Variants in CCDC149 observed in about 807,000 individuals in gnomAD.
CCDC149 encodes coiled-coil domain containing 149.
In CCDC149, 45 loss-of-function variants were observed where a neutral mutation model predicts 59.9. That is an observed-to-expected ratio of 0.75 (90% CI 0.59 to 0.96). CCDC149 has a LOEUF of 0.96. Ranked by LOEUF, CCDC149 falls within the 40% of genes least tolerant of loss-of-function variation. CCDC149 has a pLI of 0.00. For missense variants in CCDC149, 584 were observed against 664.7 expected (o/e 0.88, Z 1.33); for synonymous variants, 245 against 260.6 (o/e 0.94, Z 0.58).
At chr4:24,888,910 G>A (rs1257404837) in intron 1 of CCDC149, among the ~76,000 whole-genome samples, 2 of 148,804 alleles carry the variant, frequency 1.3e-5, no homozygotes, top group Non-Finnish European at 3.0e-5. Flanking sequence ...CATTCTCTAA[G>A]ATGACTTTTT....
intron 3 of CCDC149, among the ~76,000 whole-genome samples, chr4:24,868,541 T>A (rs1280992325): frequency 1.3e-5 from 2 of 152,200 alleles, no homozygotes; most frequent in African/African-American, 4.8e-5. Context: ...TTAATTACTT[T>A]GTATGTTGTC....
intron 4 of CCDC149, among the ~76,000 whole-genome samples, chr4:24,850,507 AGGTCCT>A (rs1237576429): frequency 6.6e-6 from 1 of 152,174 alleles, no homozygotes; most frequent in Non-Finnish European, 1.5e-5. Flanking sequence ...GCAGGCACAA[AGGTCCT>A]GTGGCCACAG....
chr4:24,929,555 G>A (rs1392924168), intron 1 of CCDC149, among the ~76,000 whole-genome samples: 1 of 152,208 alleles, frequency 6.6e-6, no homozygotes, highest in East Asian at 1.9e-4. Flanking sequence ...GTGTGATTAT[G>A]GAGAGTTTGA....
At chr4:24,845,778 C>T (rs1454276845) in intron 4 of CCDC149, among the ~76,000 whole-genome samples, 2 of 152,290 alleles carry the variant, frequency 1.3e-5, no homozygotes, top group Non-Finnish European at 2.9e-5. Context: ...CCCCATTGTA[C>T]AGATGAGAAC....
chr4:24,846,572 C>T (rs551090749), intron 4 of CCDC149, among the ~76,000 whole-genome samples: 6 of 152,318 alleles, frequency 3.9e-5, no homozygotes, highest in Admixed American at 3.9e-4. Context: ...TGGCCTGTAG[C>T]TGTATCTTAA....
intron 1 of CCDC149, among the ~76,000 whole-genome samples, chr4:24,925,625 G>A (rs1722415996): frequency 6.6e-6 from 1 of 152,080 alleles, no homozygotes; most frequent in South Asian, 2.1e-4. Flanking sequence ...TGTCACTGTT[G>A]TGGGACAGTG....
chr4:24,920,349 A>G (rs1423238885), intron 1 of CCDC149, among the ~76,000 whole-genome samples: 5 of 152,232 alleles, frequency 3.3e-5, no homozygotes, highest in Admixed American at 6.5e-5. Flanking sequence ...GAGGCTGTCA[A>G]GTGAAGCCCC....
intron 12 of CCDC149, among the ~76,000 whole-genome samples, chr4:24,812,138 T>C (rs1278299225): frequency 6.6e-6 from 1 of 152,162 alleles, no homozygotes; most frequent in Non-Finnish European, 1.5e-5. Context: ...AATCTCCTAA[T>C]CTCAAGATCC....
intron 1 of CCDC149, among the ~76,000 whole-genome samples, chr4:24,885,826 G>C (rs370968432): frequency 5.9e-5 from 9 of 152,154 alleles, no homozygotes; most frequent in East Asian, 5.8e-4. Context: ...TTCAGAAGAG[G>C]GGACAGAGAA....
At chr4:24,895,084 G>A (rs780347870) in intron 1 of CCDC149, 1 of 1,361,004 alleles carries the variant, frequency 7.3e-7, no homozygotes, top group Non-Finnish European at 1.0e-6. Flanking sequence ...TAATGACGTG[G>A]CAACTATCCA....
intron 12 of CCDC149, among the ~76,000 whole-genome samples, chr4:24,812,913 C>T (rs1714723930): frequency 6.6e-6 from 1 of 152,166 alleles, no homozygotes; most frequent in African/African-American, 2.4e-5. Flanking sequence ...CCTGGCCCCA[C>T]CCTTGACATG....
chr4:24,976,412 T>C lies in CCDC149; in HGVS notation c.-65+3657A>G, dbSNP rs553186554. On this transcript the variant is annotated intron_variant, in intron 1 of 12. Transcript: ENST00000389609. ...GGTATAGAGGTATCACCAGGACATT[T>C]ATCCAAAGTGTGTCATCAGGCTGGG... is the stretch of plus-strand genomic sequence containing the variant. Among the ~76,000 whole-genome samples the C allele has an allele frequency of 1.6e-3, 246 of 152,224 alleles. 1 individual carries two copies. Among genetic ancestry groups the C allele is most frequent in the African/African-American group, 5.4e-3 (226 of 41,550 alleles).
Position 24,819,942 on chromosome 4 carries a change from G to C in CCDC149, c.1109C>G (p.Thr370Ser). Residue 370 changes from threonine to serine, a missense_variant, in exon 12 of 13, where the codon ACT (threonine) becomes AGT (serine). Thr to Ser is a moderately conservative substitution (Grantham distance 58). Coordinates refer to ENST00000635206, the MANE Select transcript of CCDC149 (RefSeq NM_001330643.2). ...TCTCGACCTCTGTCCACTAGGAAGAGTGGGGTCGCTGAACAGTATGGTGTC... is the reference window on the plus strand; with the variant it reads ...TCTCGACCTCTGTCCACTAGGAAGACTGGGGTCGCTGAACAGTATGGTGTC... 2.6e-6 allele frequency: 4 copies of C among 1,551,240 alleles called. No individual in the cohort carries two copies. Among genetic ancestry groups the C allele is most frequent in the Non-Finnish European group, 2.6e-6 (3 of 1,146,836 alleles).
chr4:24,805,630 A>G (rs1278933980), downstream of CCDC149, among the ~76,000 whole-genome samples: 1 of 152,182 alleles, frequency 6.6e-6, no homozygotes. Flanking sequence ...TCATGGTAAT[A>G]CCATCTCCCT....
intron 1 of CCDC149, among the ~76,000 whole-genome samples, chr4:24,892,173 C>T (rs74933077): frequency 2.6e-3 from 395 of 152,256 alleles, no homozygotes; most frequent in African/African-American, 9.2e-3. Context: ...AAGTAAGACC[C>T]GGGGTGTGAG....
intron 3 of CCDC149, among the ~76,000 whole-genome samples, chr4:24,862,993 T>C (rs566307186): frequency 3.9e-5 from 6 of 151,968 alleles, no homozygotes; most frequent in Non-Finnish European, 8.8e-5. Flanking sequence ...AAAAACAAAG[T>C]GATAAAAGTT....
At chr4:24,923,366 G>A (rs569409945) in intron 1 of CCDC149, among the ~76,000 whole-genome samples, 10 of 152,240 alleles carry the variant, frequency 6.6e-5, no homozygotes, top group African/African-American at 1.2e-4. Context: ...AGGACTAGTC[G>A]GAAAGACAAG....
At chr4:24,847,184 G>T (rs1404326232) in intron 4 of CCDC149, among the ~76,000 whole-genome samples, 2 of 152,164 alleles carry the variant, frequency 1.3e-5, no homozygotes, top group Non-Finnish European at 2.9e-5. Flanking sequence ...GGAAATAGCT[G>T]ATCAATAGAG....
intron 4 of CCDC149, among the ~76,000 whole-genome samples, chr4:24,848,311 C>A (rs895465219): frequency 1.3e-5 from 2 of 152,172 alleles, no homozygotes; most frequent in Admixed American, 6.5e-5. Context: ...GTGCTAACAT[C>A]TGTAATCCCA....
Sources: gnomAD v4.1 joint callset for allele counts (sites outside exome capture counted in the v4.1 genomes callset) on GRCh38, gnomAD v4.1.1 for gene constraint, MANE v1.5 for transcripts, NCBI Gene and HGNC (gene_info 2026-07-23, HGNC 2026-07-21) for gene names.